Variants in UTP20 observed in about 807,000 individuals in gnomAD.
UTP20 encodes the protein small subunit processome component 20 homolog.
A neutral mutation model predicts 329.5 loss-of-function variants in UTP20; 164 were observed. The ratio of observed to expected loss-of-function variants is 0.50; its 90% CI spans 0.44 to 0.57. The LOEUF is 0.57. Ranked by LOEUF, UTP20 falls within the 20% of genes least tolerant of loss-of-function variation. UTP20 has a pLI of 0.00. For missense variants in UTP20, 3,055 were observed against 3,284.2 expected, an observed-to-expected ratio of 0.93 and a Z score of 1.71; for synonymous variants, 1,151 against 1,159.3, an observed-to-expected ratio of 0.99 and a Z score of 0.14.
intron 17 of UTP20, among the ~76,000 whole-genome samples, chr12:101,307,132 C>T (rs1434933512): frequency 6.7e-6 from 1 of 149,134 alleles, no homozygotes; most frequent in Non-Finnish European, 1.5e-5. Flanking sequence ...GAGCCGAGAT[C>T]GCACCACTGC....
In UTP20 at chr12:101,327,125, A is replaced by C. The variant is rs756988988; in HGVS notation, c.3086A>C (p.Gln1029Pro). 6 of 1,612,534 alleles carry C rather than the reference A, an allele frequency of 3.7e-6. No individual in the cohort carries two copies. Among genetic ancestry groups the C allele is most frequent in the Non-Finnish European group, 5.1e-6 (6 of 1,178,718 alleles). Residue 1029 changes from glutamine to proline, a missense_variant, in exon 26 of 62, where the codon CAG (glutamine) becomes CCG (proline). Transcript: ENST00000261637. The part of the protein sequence containing the change: ...RMKNKTGSKT[Q>P]GKSASGTRMA... ...AAGAATAAGACTGGGAGTAAAACTC[A>C]GGGGAAATCTGCTTCAGGCACCCGC...
At position 101,320,949 on chromosome 12, in the gene UTP20, GA is replaced by G. The variant is rs1363040276; in HGVS notation, c.2915+14del. On this transcript the variant is annotated intron_variant, in intron 24 of 61. Transcript: ENST00000261637. Reference sequence around the variant, plus strand: ...GTCCTCCCTTACAGGTAAGTTACTTGAAGCTTAAAGAACTGTTATTTCTTCA... The same window carrying G: ...GTCCTCCCTTACAGGTAAGTTACTTGAGCTTAAAGAACTGTTATTTCTTCA... 6 of 1,590,104 alleles carry G rather than the reference GA, an allele frequency of 3.8e-6. No individual in the cohort carries two copies. In the African/African-American group the frequency reaches 6.8e-5, roughly 18 times the overall value.
At chr12:101,280,471 G>A in intron 1 of UTP20, 144 bp downstream of exon 1, 1 of 1,023,904 alleles carries the variant, frequency 9.8e-7, no homozygotes, top group South Asian at 1.5e-5. Context: ...GGGAGACACT[G>A]GATGTAGTAA....
intron 38 of UTP20, among the ~76,000 whole-genome samples, chr12:101,346,996 C>T (rs949019414): frequency 1.3e-5 from 2 of 152,178 alleles, no homozygotes; most frequent in South Asian, 4.1e-4. Context: ...GGCACTATTT[C>T]AAGTGCTTCA....
Position 101,312,218 on chromosome 12 carries a change from C to G in UTP20, c.2494C>G (p.Pro832Ala), listed in dbSNP as rs756889679. Reference sequence around the variant, plus strand: ...GCTCTGGAGAGCTCTGACCAAATTCCCAGAAAGAGTAGAGCCACGGTCCAG... The same window carrying G: ...GCTCTGGAGAGCTCTGACCAAATTCGCAGAAAGAGTAGAGCCACGGTCCAG... The part of the protein sequence containing the change: ...FLLWRALTKF[P>A]ERVEPRSREL... Residue 832 changes from proline (P) to alanine (A), a missense_variant, in exon 21 of 62, where the codon CCA (proline) becomes GCA (alanine). Transcript: ENST00000261637. 1 of 1,614,200 alleles carries G rather than the reference C, an allele frequency of 6.2e-7. No individual in the cohort carries two copies. Among genetic ancestry groups the G allele is most frequent in the Admixed American group, 1.7e-5 (1 of 60,026 alleles).
Position 101,374,942 on chromosome 12 carries a change from A to G in UTP20, c.7263+3A>G, listed in dbSNP as rs199721719. 1.1e-4 allele frequency: 176 copies of G among 1,609,072 alleles called. No individual in the cohort carries two copies. The highest frequency in any genetic ancestry group is 1.5e-4 in the Non-Finnish European group (173 of 1,175,826). ...TTGATCCTGAAAACTTTAAAGATGT[A>G]AGTAATTTGCTAGGGAATAAAACTT... On this transcript the variant is annotated splice_donor_region_variant and intron_variant, in intron 55 of 61. Transcript: ENST00000261637.
chr12:101,286,070 T>C (rs1454296488), intron 4 of UTP20, among the ~76,000 whole-genome samples, 189 bp downstream of exon 4: 2 of 152,236 alleles, frequency 1.3e-5, no homozygotes, highest in Non-Finnish European at 2.9e-5. Flanking sequence ...GCATTTGTTA[T>C]ATACTAAGAT....
At chr12:101,280,991 T>G in intron 1 of UTP20, 125 bp from the exon 2 acceptor site, 3 of 748,022 alleles carry the variant, frequency 4.0e-6, no homozygotes, top group Non-Finnish European at 6.3e-6. Flanking sequence ...CGGCCGTATG[T>G]TTTTCAGTTT....
chr12:101,353,859 T>G (rs1287006456), intron 40 of UTP20, among the ~76,000 whole-genome samples: 1 of 152,222 alleles, frequency 6.6e-6, no homozygotes. Context: ...TTTATAAATG[T>G]GAATACTTGG....
intron 41 of UTP20, among the ~76,000 whole-genome samples, chr12:101,356,307 G>C (rs1387549323): frequency 1.3e-5 from 2 of 152,028 alleles, no homozygotes; most frequent in African/African-American, 4.8e-5. Context: ...TGTATTTTTA[G>C]TAGAGACGGG....
chr12:101,384,054 C>T (rs531521644), intron 60 of UTP20, among the ~76,000 whole-genome samples: 112 of 152,028 alleles, frequency 7.4e-4, no homozygotes, highest in African/African-American at 2.6e-3. Flanking sequence ...AACAAATAGG[C>T]ATATTTGTAT....
At chr12:101,309,571 G>A (rs528225350) in intron 18 of UTP20, among the ~76,000 whole-genome samples, 192 bp from the exon 19 acceptor site, 17 of 152,334 alleles carry the variant, frequency 1.1e-4, no homozygotes, top group African/African-American at 3.8e-4. Context: ...TTTAAATAGT[G>A]AGTGACATTT....
chr12:101,327,612 C>T (rs972893582), intron 26 of UTP20, among the ~76,000 whole-genome samples: 1 of 152,200 alleles, frequency 6.6e-6, no homozygotes, highest in Non-Finnish European at 1.5e-5. Flanking sequence ...GGCATTTATT[C>T]ATTCCCTGAG....
chr12:101,372,768 T>A (rs1174764150), intron 51 of UTP20, 116 bp from the exon 52 acceptor site: 1 of 743,356 alleles, frequency 1.3e-6, no homozygotes, highest in Non-Finnish European at 2.3e-6. Flanking sequence ...AAAGCCTGAT[T>A]GATTGCCATT....
chr12:101,315,959 A>G (rs966651308), intron 21 of UTP20, among the ~76,000 whole-genome samples: 2 of 152,224 alleles, frequency 1.3e-5, no homozygotes, highest in Non-Finnish European at 2.9e-5. Flanking sequence ...AGAAAGATTT[A>G]GAGACTAAAG....
intron 5 of UTP20, among the ~76,000 whole-genome samples, chr12:101,286,756 A>C (rs545386405): frequency 6.6e-6 from 1 of 151,814 alleles, no homozygotes; most frequent in Non-Finnish European, 1.5e-5. Flanking sequence ...CTCCACAAAC[A>C]GGCACCTTTG....
rs758652421 is a variant in UTP20 at position 101,329,374 on chromosome 12, A to G, written c.3342A>G (p.Ala1114=). The change falls in exon 27 of 62, where the codon GCA becomes GCG. Residue 1114 remains alanine, a synonymous_variant. Coordinates refer to ENST00000261637, the MANE Select transcript of UTP20 (RefSeq NM_014503.3). The part of the protein sequence containing the change: ...VLKNISHLIS[A]YLPKILQILL... ...AAAACATTAGTCATCTGATCAGCGC[A>G]TACCTGCCGAAGATTTTGCAGATAC... 4 of 1,614,162 alleles carry G rather than the reference A, an allele frequency of 2.5e-6. No homozygotes were observed. In the South Asian group the frequency reaches 4.4e-5, roughly 18 times the overall value.
chr12:101,296,532 C>T (rs1229785400), intron 12 of UTP20, among the ~76,000 whole-genome samples: 2 of 150,434 alleles, frequency 1.3e-5, no homozygotes, highest in Admixed American at 1.3e-4. Context: ...GATCACGCCA[C>T]TGCCCTCCAG....
chr12:101,383,527 T>A lies in UTP20; in HGVS notation c.7930-16T>A. 1.9e-6 allele frequency: 3 copies of A among 1,606,170 alleles called. No homozygotes were observed. Among genetic ancestry groups the A allele is most frequent in the Non-Finnish European group, 2.6e-6 (3 of 1,176,324 alleles). The stretch of plus-strand genomic sequence containing the variant: ...AGAGAAGTCTTTCAAATGAAAAAAA[T>A]GATCTGTACTTTCAGAGAACATGCA... On this transcript the variant is annotated splice_polypyrimidine_tract_variant and intron_variant, in intron 59 of 61. Transcript: ENST00000261637.
Sources: allele counts gnomAD v4.1 joint callset (sites outside exome capture counted in the v4.1 genomes callset), GRCh38; gene constraint gnomAD v4.1.1; transcripts MANE v1.5; gene names NCBI Gene and HGNC (gene_info 2026-07-23, HGNC 2026-07-21).